WTAP: variants seen among roughly 807,000 people sequenced by gnomAD.
The protein encoded by WTAP is pre-mRNA-splicing regulator WTAP.
WTAP carries 8 observed loss-of-function variants against 50.0 expected under a neutral mutation model. The observed-to-expected ratio is 0.16, with a 90% CI of 0.09 to 0.29. WTAP has a LOEUF of 0.29. Among genes scored for constraint, WTAP ranks in the 10% least tolerant of loss-of-function variants. The pLI is 1.00. For synonymous variants in WTAP, 194 were observed against 169.0 expected (o/e 1.15, Z -1.15); for missense variants, 295 against 470.7 (o/e 0.63, Z 3.45).
At chr6:159,727,193 T>C, upstream of WTAP, 5 of 1,231,278 alleles carry the variant, frequency 4.1e-6, no homozygotes, top group Non-Finnish European at 5.2e-6. Context: ...ACGGGGAGTG[T>C]TACCGGGGAG....
At chr6:159,744,267 T>G (rs1237538612) in intron 5 of WTAP, among the ~76,000 whole-genome samples, 2 of 152,240 alleles carry the variant, frequency 1.3e-5, no homozygotes, top group Non-Finnish European at 2.9e-5. Flanking sequence ...TAGTATTTAC[T>G]ATGTCTACGT....
At chr6:159,744,531 T>TA (rs1554264517) in intron 5 of WTAP, among the ~76,000 whole-genome samples, 13 of 152,034 alleles carry the variant, frequency 8.6e-5, no homozygotes, top group African/African-American at 3.1e-4. Context: ...ACAGTCCTGT[T>TA]CTGTTTCTTT....
upstream of WTAP, chr6:159,726,962 A>G (rs1778202571): frequency 5.4e-6 from 7 of 1,285,126 alleles, no homozygotes; most frequent in African/African-American, 6.1e-5. Context: ...AGCGTCACGA[A>G]CACAGAGCGG....
intron 2 of WTAP, 46 bp from the exon 3 acceptor site, chr6:159,738,944 T>C (rs1000389447): frequency 2.8e-6 from 4 of 1,452,912 alleles, no homozygotes; most frequent in South Asian, 1.2e-5. Flanking sequence ...TAGAACTTTG[T>C]GTCTTCAGGA....
chr6:159,740,272 A>ATT (rs1779174039), intron 3 of WTAP, among the ~76,000 whole-genome samples: 2 of 152,190 alleles, frequency 1.3e-5, no homozygotes, highest in Admixed American at 1.3e-4. Flanking sequence ...CAGTAATCTT[A>ATT]ATAAAGAATC....
chr6:159,750,170 A>G (rs1014246770), intron 6 of WTAP, among the ~76,000 whole-genome samples: 1 of 152,178 alleles, frequency 6.6e-6, no homozygotes, highest in African/African-American at 2.4e-5. Context: ...AAATTAGCTT[A>G]TGTGCTTGCA....
rs1779976928 is a variant in WTAP at position 159,755,701 on chromosome 6, C to CT, written c.*95dup. The stretch of plus-strand genomic sequence containing the variant: ...AATGCATACTTTTGTCACAATTTGC[C>CT]TTTTTGTGGGTGTACGTTTTGGTTT... On this transcript the variant is annotated 3_prime_UTR_variant, in exon 8 of 8. Transcript: ENST00000621533. 1 of 1,189,278 alleles carries CT rather than the reference C, an allele frequency of 8.4e-7. No individual in the cohort carries two copies. Among genetic ancestry groups the CT allele is most frequent in the Non-Finnish European group, 1.0e-6 (1 of 968,342 alleles). The allele number at this position is 1,189,278 out of a possible 1,614,324, so 73.7% of individuals were successfully genotyped here.
chr6:159,734,962 C>T (rs73802948), intron 1 of WTAP, among the ~76,000 whole-genome samples: 5,210 of 151,914 alleles, frequency 0.034, 134 homozygotes, highest in South Asian at 0.067. Context: ...TATTAGCATT[C>T]GTTCTAAAAA....
intron 2 of WTAP, among the ~76,000 whole-genome samples, chr6:159,738,635 A>T (rs2842975): frequency 0.47 from 70,949 of 152,066 alleles, 18,611 homozygotes; most frequent in Non-Finnish European, 0.58. Flanking sequence ...AGGAACTGCC[A>T]TACTTCTTCA....
intron 1 of WTAP, among the ~76,000 whole-genome samples, chr6:159,730,490 G>A (rs1038331746): frequency 6.6e-6 from 1 of 152,184 alleles, no homozygotes; most frequent in East Asian, 1.9e-4. Context: ...CGGTACATTC[G>A]TGTGGTGTGA....
chr6:159,736,773 C>T (rs956096210), intron 2 of WTAP: 1 of 153,700 alleles, frequency 6.5e-6, no homozygotes, highest in African/African-American at 2.4e-5. Flanking sequence ...GTTGTCTAGT[C>T]TCAAATCTCC....
Position 159,743,762 on chromosome 6 carries a change from A to T in WTAP, c.243A>T (p.Ala81=). ...RRENILVMRL[A]TKEQEMQECT... is the part of the protein sequence containing the mutation. ...AAAACATCCTTGTAATGCGACTAGCAACCAAGGAACAAGAGATGCAAGAGT... is the reference window on the plus strand; with the variant it reads ...AAAACATCCTTGTAATGCGACTAGCTACCAAGGAACAAGAGATGCAAGAGT... The change falls in exon 5 of 8, where the codon GCA becomes GCT. Residue 81 remains alanine, a synonymous_variant. Coordinates refer to ENST00000621533, the MANE Select transcript of WTAP (RefSeq NM_001270531.2). The T allele has an allele frequency of 6.2e-7, 1 of 1,613,030 alleles. No homozygotes were observed. Among genetic ancestry groups the T allele is most frequent in the African/African-American group, 1.3e-5 (1 of 75,022 alleles).
At chr6:159,729,394 TC>T (rs1778426782) in intron 1 of WTAP, among the ~76,000 whole-genome samples, 1 of 152,236 alleles carries the variant, frequency 6.6e-6, no homozygotes, top group Non-Finnish European at 1.5e-5. Flanking sequence ...GAAAAACTTT[TC>T]AGTATCTCCA....
intron 1 of WTAP, among the ~76,000 whole-genome samples, chr6:159,730,381 T>C (rs1324764645): frequency 6.6e-6 from 1 of 152,222 alleles, no homozygotes; most frequent in Non-Finnish European, 1.5e-5. Context: ...ACCTAGAATA[T>C]TCATTGCCTT....
chr6:159,728,867 T>A (rs1463997635), intron 1 of WTAP, among the ~76,000 whole-genome samples: 1 of 152,204 alleles, frequency 6.6e-6, no homozygotes, highest in Non-Finnish European at 1.5e-5. Context: ...AAGTTCAGTA[T>A]TTTTAGTACT....
chr6:159,746,851 C>CT (rs1779606589), intron 5 of WTAP, among the ~76,000 whole-genome samples: 3 of 152,192 alleles, frequency 2.0e-5, no homozygotes, highest in East Asian at 1.9e-4. Flanking sequence ...ATTCACCTCT[C>CT]TTTTCATGAA....
chr6:159,751,167 CTG>C (rs371027768), intron 6 of WTAP, among the ~76,000 whole-genome samples: 27 of 152,260 alleles, frequency 1.8e-4, no homozygotes, highest in South Asian at 4.1e-4. Flanking sequence ...TTTTTCAAAA[CTG>C]TGATTTTGTT....
chr6:159,728,431 A>AAAC (rs1331715283), intron 1 of WTAP, among the ~76,000 whole-genome samples: 4 of 90,822 alleles, frequency 4.4e-5, no homozygotes, highest in Admixed American at 2.1e-4. Context: ...AAAACAAAAC[A>AAAC]AAAAAACTAT....
chr6:159,740,517 C>G (rs1230949252), intron 3 of WTAP, among the ~76,000 whole-genome samples: 2 of 152,176 alleles, frequency 1.3e-5, no homozygotes, highest in South Asian at 4.1e-4. Context: ...TTCTGTACTT[C>G]TAAAATAAAT....
Sources: gnomAD v4.1 joint callset for allele counts (sites outside exome capture counted in the v4.1 genomes callset) on GRCh38, gnomAD v4.1.1 for gene constraint, MANE v1.5 for transcripts, NCBI Gene and HGNC (gene_info 2026-07-23, HGNC 2026-07-21) for gene names.